KNTC1: variants seen among roughly 807,000 people sequenced by gnomAD.
The protein encoded by KNTC1 is kinetochore-associated protein 1.
A neutral mutation model predicts 314.4 loss-of-function variants in KNTC1; 253 were observed. The observed-to-expected ratio is 0.80, with a 90% CI of 0.73 to 0.89. The LOEUF (loss-of-function observed/expected upper bound fraction) is 0.89. Among genes scored for constraint, KNTC1 ranks in the 40% least tolerant of loss-of-function variants. KNTC1 has a pLI of 0.00. For missense variants in KNTC1, 2,475 were observed against 2,572.9 expected (o/e 0.96, Z 0.82); for synonymous variants, 901 against 901.4 (o/e 1.00, Z 0.01).
chr12:122,618,644 G>T (rs1299101511), intron 59 of KNTC1, 99 bp downstream of exon 59: 46 of 900,990 alleles, frequency 5.1e-5, no homozygotes, highest in Non-Finnish European at 7.9e-5. Context: ...TTTTTGTTAG[G>T]AAGTTAAGCA....
At chr12:122,545,309 GA>G (rs1471942319) in intron 8 of KNTC1, among the ~76,000 whole-genome samples, 5 of 152,136 alleles carry the variant, frequency 3.3e-5, no homozygotes, top group Admixed American at 3.3e-4. Context: ...AGCTGAGGCA[GA>G]AGAATTGCGT....
chr12:122,608,676 A>G (rs766181404), intron 51 of KNTC1, among the ~76,000 whole-genome samples: 1 of 152,218 alleles, frequency 6.6e-6, no homozygotes, highest in Non-Finnish European at 1.5e-5. Context: ...CATAGCACCT[A>G]GTACAGTACT....
intron 8 of KNTC1, 59 bp from the exon 9 acceptor site, chr12:122,546,117 A>C: frequency 1.0e-6 from 1 of 960,472 alleles, no homozygotes; most frequent in East Asian, 2.4e-5. Context: ...TTCTACTTTG[A>C]GGAAGGCTCA....
rs1463073278 is a variant in KNTC1, at chr12:122,530,006, A to C, written c.-58A>C. ...ATGCAACAAGATAATATGGTGTCTA[A>C]TTTTATGTTGTTCAGGAAAGACAGT... On this transcript the variant is annotated 5_prime_UTR_variant, in exon 2 of 64. Coordinates refer to ENST00000333479, the MANE Select transcript of KNTC1 (RefSeq NM_014708.6). 6.3e-7 allele frequency: 1 copy of C among 1,584,168 alleles called. No homozygotes were observed. The highest frequency in any genetic ancestry group is 1.8e-5 in the Admixed American group (1 of 55,766).
At chr12:122,565,255 A>ATTTT (rs1331173157) in intron 20 of KNTC1, among the ~76,000 whole-genome samples, 65 of 125,292 alleles carry the variant, frequency 5.2e-4, no homozygotes, top group African/African-American at 1.5e-3. Flanking sequence ...TTTTTTTTAA[A>ATTTT]AAAAAAAAAA....
At chr12:122,604,835 T>C (rs771524688) in intron 49 of KNTC1, 42 bp from the exon 50 acceptor site, 77 of 1,550,762 alleles carry the variant, frequency 5.0e-5, no homozygotes, top group Middle Eastern at 1.7e-4. Context: ...CAACTGAGGC[T>C]TACAAAGTAA....
intron 53 of KNTC1, 92 bp from the exon 54 acceptor site, chr12:122,613,020 A>G (rs1873347844): frequency 2.8e-6 from 2 of 726,562 alleles, no homozygotes; most frequent in African/African-American, 1.8e-5. Context: ...ATTTTAAAAT[A>G]ATGACGTTGT....
intron 61 of KNTC1, 52 bp from the exon 62 acceptor site, chr12:122,622,410 C>A: frequency 7.3e-7 from 1 of 1,370,358 alleles, no homozygotes; most frequent in South Asian, 1.3e-5. Flanking sequence ...GATTAGAAGT[C>A]TGATTCTAAT....
chr12:122,605,163 T>C, intron 50 of KNTC1, 76 bp downstream of exon 50: 39 of 1,237,022 alleles, frequency 3.2e-5, no homozygotes, highest in Non-Finnish European at 3.9e-5. Flanking sequence ...TATATGTACG[T>C]GTACATATAT....
intron 51 of KNTC1, 64 bp from the exon 52 acceptor site, chr12:122,609,320 G>T: frequency 1.1e-6 from 1 of 922,250 alleles, no homozygotes; most frequent in Non-Finnish European, 1.7e-6. Flanking sequence ...TTTTCAGAGA[G>T]ATGAATGTTT....
At chr12:122,587,121 G>C (rs141416431) in intron 38 of KNTC1, among the ~76,000 whole-genome samples, 107 of 152,258 alleles carry the variant, frequency 7.0e-4, no homozygotes, top group African/African-American at 2.5e-3. Flanking sequence ...CTGGCCTTAA[G>C]ATTTCTTAAT....
At chr12:122,540,175 GTTT>G (rs560388242) in intron 5 of KNTC1, among the ~76,000 whole-genome samples, 2 of 138,212 alleles carry the variant, frequency 1.4e-5, no homozygotes, top group African/African-American at 2.6e-5. Context: ...CATTTTTTCT[GTTT>G]TTTTTTTTTT....
chr12:122,586,023 G>C (rs79548326), intron 37 of KNTC1, among the ~76,000 whole-genome samples: 3,556 of 152,298 alleles, frequency 0.023, 129 homozygotes, highest in African/African-American at 0.078. Flanking sequence ...GTGGGAAAGG[G>C]AAAGGAGGGA....
Position 122,603,193 on chromosome 12 carries a change from C to T in KNTC1, c.5051C>T (p.Pro1684Leu). 1 of 1,613,246 alleles carries T rather than the reference C, an allele frequency of 6.2e-7. No homozygotes were observed. Among genetic ancestry groups the T allele is most frequent in the East Asian group, 2.2e-5 (1 of 44,864 alleles). The change falls in exon 48 of 64, where the codon CCA becomes CTA. Residue 1684 changes from proline to leucine, a missense_variant. Transcript: ENST00000333479. ...TCCTGCTTACTCTCTATAGTCAACC[C>T]AGAGTGGGCTGTAGCTATTGCCATC... is the stretch of plus-strand genomic sequence containing the variant. ...IESCLLSIVN[P>L]EWAVAIAISL...
chr12:122,605,260 A>T (rs1872465139), intron 50 of KNTC1, 46 bp from the exon 51 acceptor site: 3 of 1,285,756 alleles, frequency 2.3e-6, no homozygotes, highest in East Asian at 5.0e-5. Flanking sequence ...TTCAATATAA[A>T]TATTTAAAAC....
chr12:122,572,906 A>G (rs750025019), intron 24 of KNTC1, 31 bp from the exon 25 acceptor site: 15 of 1,421,754 alleles, frequency 1.1e-5, no homozygotes, highest in South Asian at 9.0e-5. Context: ...TTTATTTTAT[A>G]TCGTTAACAA....
chr12:122,622,181 A>G (rs539714362), intron 61 of KNTC1, among the ~76,000 whole-genome samples: 7 of 152,324 alleles, frequency 4.6e-5, no homozygotes, highest in Admixed American at 3.9e-4. Flanking sequence ...GAAAATTTGT[A>G]GCCTTAAGTG....
intron 51 of KNTC1, among the ~76,000 whole-genome samples, chr12:122,608,277 T>G (rs1872746738): frequency 6.6e-6 from 1 of 151,996 alleles, no homozygotes; most frequent in South Asian, 2.1e-4. Context: ...TTTAAAAAAT[T>G]ACCTGTGCCC....
chr12:122,537,161 A>C (rs1292173429), intron 3 of KNTC1, among the ~76,000 whole-genome samples: 1 of 152,136 alleles, frequency 6.6e-6, no homozygotes, highest in Non-Finnish European at 1.5e-5. Flanking sequence ...TTGCTTTTGC[A>C]TGAATACAAC....
Sources: allele counts gnomAD v4.1 joint callset (sites outside exome capture counted in the v4.1 genomes callset), GRCh38; gene constraint gnomAD v4.1.1; transcripts MANE v1.5; gene names NCBI Gene and HGNC (gene_info 2026-07-23, HGNC 2026-07-21).